The following CAPZA1 variants were observed in gnomAD, a reference collection of about 807,000 sequenced individuals.
The protein encoded by CAPZA1 is capping actin protein of muscle Z-line subunit alpha 1.
In CAPZA1, 10 loss-of-function variants were observed where a neutral mutation model predicts 40.8. The observed-to-expected ratio is 0.25, with a 90% CI of 0.15 to 0.42. CAPZA1 has a LOEUF of 0.42. Ranked by LOEUF, CAPZA1 falls within the 10% of genes least tolerant of loss-of-function variation. The pLI, the probability that CAPZA1 is intolerant of heterozygous loss-of-function variation, is 1.00. For synonymous variants in CAPZA1, 98 were observed against 115.0 expected (o/e 0.85, Z 0.95); for missense variants, 277 against 353.8 (o/e 0.78, Z 1.74).
chr1:112,654,751 C>A, intron 5 of CAPZA1, 80 bp downstream of exon 5: 1 of 888,424 alleles, frequency 1.1e-6, no homozygotes, highest in Non-Finnish European at 1.7e-6. Flanking sequence ...GCCTACCAAA[C>A]ATCCCTACTT....
intron 1 of CAPZA1, among the ~76,000 whole-genome samples, chr1:112,626,943 G>C (rs1297756130): frequency 6.6e-6 from 1 of 152,244 alleles, no homozygotes; most frequent in Non-Finnish European, 1.5e-5. Flanking sequence ...AAGGTGGTAA[G>C]AGAACTTTGC....
intron 1 of CAPZA1, among the ~76,000 whole-genome samples, chr1:112,634,071 C>T (rs1670972620): frequency 6.6e-6 from 1 of 152,146 alleles, no homozygotes; most frequent in Admixed American, 6.5e-5. Context: ...CTTTGCCATA[C>T]AGAAGCTTTT....
chr1:112,659,756 G>C lies in CAPZA1; in HGVS notation c.562G>C (p.Val188Leu). 6.2e-7 allele frequency: 1 copy of C among 1,613,718 alleles called. No individual in the cohort carries two copies. Among genetic ancestry groups the C allele is most frequent in the Admixed American group, 1.7e-5 (1 of 59,976 alleles). Residue 188 changes from valine (V) to leucine (L), a missense_variant, in exon 7 of 10, where the codon GTG (valine) becomes CTG (leucine). Physicochemically the swap from Val to Leu is conservative, Grantham distance 32. Transcript: ENST00000263168. ...KFTITPPTAQ[V>L]VGVLKIQVHY... is the part of the protein sequence containing the mutation. Reference sequence around the variant, plus strand: ...CACCATCACACCACCTACAGCCCAGGTGGTTGGCGTGCTTAAGATTCAGGT... The same window carrying C: ...CACCATCACACCACCTACAGCCCAGCTGGTTGGCGTGCTTAAGATTCAGGT...
chr1:112,659,869 G>A (rs1671570106), intron 7 of CAPZA1, 90 bp downstream of exon 7: 1 of 931,410 alleles, frequency 1.1e-6, no homozygotes, highest in African/African-American at 1.6e-5. Context: ...CCAAGTATGT[G>A]TAGATGCAAA....
chr1:112,659,010 T>C lies in CAPZA1; in HGVS notation c.427-12T>C, dbSNP rs760706896. 7.5e-6 allele frequency: 12 copies of C among 1,597,028 alleles called. No individual in the cohort carries two copies. The highest frequency in any genetic ancestry group is 3.3e-5 in the South Asian group (3 of 90,704). On this transcript the variant is annotated splice_polypyrimidine_tract_variant and intron_variant, in intron 5 of 9. Coordinates refer to ENST00000263168, the MANE Select transcript of CAPZA1 (RefSeq NM_006135.3). Reference sequence around the variant, plus strand: ...TTTGGAGTCTTTAACTATTTTTTTTTCCCAACAATAGGTTTATGCTAAAAC... The same window carrying C: ...TTTGGAGTCTTTAACTATTTTTTTTCCCCAACAATAGGTTTATGCTAAAAC...
chr1:112,626,420 C>G (rs72699098), intron 1 of CAPZA1, among the ~76,000 whole-genome samples: 11 of 151,090 alleles, frequency 7.3e-5, no homozygotes, highest in Non-Finnish European at 1.2e-4. Flanking sequence ...ATAGTGAGAT[C>G]CCGGTCTCTA....
chr1:112,627,026 T>G (rs989567973), intron 1 of CAPZA1, among the ~76,000 whole-genome samples: 1 of 152,246 alleles, frequency 6.6e-6, no homozygotes, highest in East Asian at 1.9e-4. Flanking sequence ...ATTAACCATG[T>G]ATTTATCTCA....
rs58051216 is a variant in CAPZA1 at position 112,670,362 on chromosome 1, C to CTT, written c.*248_*249dup. On this transcript the variant is annotated 3_prime_UTR_variant, in exon 10 of 10. Coordinates refer to ENST00000263168, the MANE Select transcript of CAPZA1 (RefSeq NM_006135.3). ...TATATCTACGTGTAAATCTTTTTTT[C>CTT]TTTTTTTTTTTTTTTTTTTGGTTAA... 0.18 allele frequency: 26,282 copies of CTT among 148,960 alleles called. 2,243 individuals are homozygous for CTT. Among genetic ancestry groups the CTT allele is most frequent in the Admixed American group, 0.23 (2,278 of 10,060 alleles). 9.2% of individuals were successfully genotyped at this position (148,960 alleles called of 1,614,324 possible).
chr1:112,632,010 T>G (rs1670927859), intron 1 of CAPZA1, among the ~76,000 whole-genome samples: 1 of 152,174 alleles, frequency 6.6e-6, no homozygotes. Flanking sequence ...AGAAGACTAT[T>G]CAAAATTATT....
intron 1 of CAPZA1, among the ~76,000 whole-genome samples, chr1:112,626,985 C>T (rs1192401046): frequency 6.6e-6 from 1 of 152,194 alleles, no homozygotes; most frequent in Non-Finnish European, 1.5e-5. Flanking sequence ...ATCTGGGTAA[C>T]ATTTAAGTGC....
At chr1:112,663,181 A>G (rs1001984294) in intron 7 of CAPZA1, among the ~76,000 whole-genome samples, 8 of 151,710 alleles carry the variant, frequency 5.3e-5, no homozygotes, top group Admixed American at 3.9e-4. Context: ...AGCCAGGATG[A>G]TCTTGATCTC....
At chr1:112,647,053 T>C (rs1412340366) in intron 1 of CAPZA1, among the ~76,000 whole-genome samples, 157 bp from the exon 2 acceptor site, 2 of 152,208 alleles carry the variant, frequency 1.3e-5, no homozygotes, top group African/African-American at 4.8e-5. Context: ...TTTGGGGTGC[T>C]TTATGAAAAG....
chr1:112,659,129 A>G, intron 6 of CAPZA1, 28 bp downstream of exon 6: 1 of 1,481,430 alleles, frequency 6.8e-7, no homozygotes, highest in African/African-American at 1.4e-5. Context: ...TCTTCTATTT[A>G]CATCTGAAAG....
chr1:112,671,532 T>G lies in CAPZA1; in HGVS notation c.*1400T>G, dbSNP rs1171876200. ...TTATTTCAATAAAATATATTTGTATTATTTGTCCTTCATACTATCCATCCA... is the reference window on the plus strand; with the variant it reads ...TTATTTCAATAAAATATATTTGTATGATTTGTCCTTCATACTATCCATCCA... On this transcript the variant is annotated 3_prime_UTR_variant, in exon 10 of 10. Coordinates refer to ENST00000263168, the MANE Select transcript of CAPZA1 (RefSeq NM_006135.3). The G allele has an allele frequency of 6.5e-6, 1 of 152,672 alleles. No individual in the cohort carries two copies. Among genetic ancestry groups the G allele is most frequent in the Non-Finnish European group, 1.5e-5 (1 of 68,034 alleles). 9.5% of individuals were successfully genotyped at this position (152,672 alleles called of 1,614,324 possible). A position where few individuals can be genotyped will look rare whatever the true frequency, so the allele number is the denominator to read the frequency against.
In CAPZA1 at chr1:112,668,162, C is replaced by G. The variant is rs541924619; in HGVS notation, c.657+1017C>G. Among the ~76,000 whole-genome samples, 4 of 152,026 alleles carry G rather than the reference C, an allele frequency of 2.6e-5. No homozygotes were observed. The South Asian group carries it at 8.3e-4, about 32-fold the overall frequency. On this transcript the variant is annotated intron_variant, in intron 8 of 9. Transcript: ENST00000263168. ...ATCAGCTGAGTTCCTGTAGTCCCAG[C>G]TACTTGGGAGGCTGTGGTGGGAGGA...
At chr1:112,639,990 C>T (rs1449918435) in intron 1 of CAPZA1, among the ~76,000 whole-genome samples, 9 of 132,482 alleles carry the variant, frequency 6.8e-5, no homozygotes, top group African/African-American at 2.3e-4. Flanking sequence ...GCCCGGCCAG[C>T]CGCCCCGTCC....
chr1:112,667,936 A>G (rs1570729450), intron 8 of CAPZA1, among the ~76,000 whole-genome samples: 1 of 152,012 alleles, frequency 6.6e-6, no homozygotes, highest in Admixed American at 6.6e-5. Context: ...AGTACCCCCA[A>G]AGAGTTTTTG....
At chr1:112,653,016 C>A (rs1169847378) in intron 3 of CAPZA1, among the ~76,000 whole-genome samples, 1 of 152,146 alleles carries the variant, frequency 6.6e-6, no homozygotes, top group Non-Finnish European at 1.5e-5. Context: ...ATGTCAGATG[C>A]CTTCTGACAT....
At chr1:112,620,004 T>G in intron 1 of CAPZA1, 121 bp downstream of exon 1, 1 of 759,294 alleles carries the variant, frequency 1.3e-6, no homozygotes, top group Non-Finnish European at 2.2e-6. Context: ...CATGCTGACA[T>G]ACGCTCTCCG....
Sources: allele counts gnomAD v4.1 joint callset (sites outside exome capture counted in the v4.1 genomes callset), GRCh38; gene constraint gnomAD v4.1.1; transcripts MANE v1.5; gene names NCBI Gene and HGNC (gene_info 2026-07-23, HGNC 2026-07-21).